The following PRH1 variants were observed in gnomAD, a reference collection of about 807,000 sequenced individuals.
PRH1 encodes the protein salivary acidic proline-rich phosphoprotein 1/2.
In PRH1, 7 loss-of-function variants were observed where a neutral mutation model predicts 7.9. That is an observed-to-expected ratio of 0.89 (90% CI 0.50 to 1.67). PRH1 has a LOEUF of 1.67. Ranked by LOEUF, PRH1 falls within the 40% of genes most tolerant of loss-of-function variation. PRH1 has a pLI of 0.00. For missense variants in PRH1, 109 were observed against 223.6 expected (o/e 0.49, Z 3.27); for synonymous variants, 45 against 80.8 (o/e 0.56, Z 2.38).
rs559467239 is a variant in PRH1, at chr12:11,114,003, C to T, written n.123+57419G>A. Among the ~76,000 whole-genome samples the T allele has an allele frequency of 1.1e-3, 163 of 152,106 alleles. 1 individual carries two copies. The highest frequency in any genetic ancestry group is 3.8e-3 in the African/African-American group (159 of 41,514). On this transcript the variant is annotated intron_variant and non_coding_transcript_variant, in intron 1 of 4. Transcript: ENST00000541977. The stretch of plus-strand genomic sequence containing the variant: ...TGGTGATCATTAAAAAGTCAGGAAA[C>T]AACAGATGCTGGAGAGTAGGTGGAG...
In PRH1 at chr12:10,986,005, G is replaced by C. The variant is rs370832202; in HGVS notation, c.-125-12284C>G. On this transcript the variant is annotated intron_variant, in intron 1 of 3. Coordinates refer to the PRH1 transcript ENST00000539853. ...AAAATCAAAAGAAAGGTGTGTTTTA[G>C]CTTCTTGGTTCTCCAAATTAGGATG... 3.1e-6 allele frequency: 5 copies of C among 1,613,646 alleles called. No homozygotes were observed. In the African/African-American group the frequency reaches 5.3e-5, roughly 17 times the overall value.
intron 1 of PRH1, among the ~76,000 whole-genome samples, chr12:10,991,467 A>G (rs1181408362): frequency 6.6e-6 from 1 of 152,184 alleles, no homozygotes; most frequent in African/African-American, 2.4e-5. Flanking sequence ...TTTAGCAGAA[A>G]TTCAAGTAAA....
chr12:10,933,949 G>A (rs1950249015), intron 2 of PRH1, among the ~76,000 whole-genome samples: 1 of 151,946 alleles, frequency 6.6e-6, no homozygotes, highest in African/African-American at 2.4e-5. Flanking sequence ...AAAATAACAA[G>A]AGATTCTACT....
intron 1 of PRH1, among the ~76,000 whole-genome samples, chr12:11,073,657 T>G (rs1234423599): frequency 6.6e-6 from 1 of 151,914 alleles, no homozygotes; most frequent in Non-Finnish European, 1.5e-5. Flanking sequence ...ATGCAAAGAC[T>G]AGTGGTTTCA....
chr12:11,061,134 A>C (rs1179677688), intron 1 of PRH1, among the ~76,000 whole-genome samples: 1 of 152,180 alleles, frequency 6.6e-6, no homozygotes, highest in Non-Finnish European at 1.5e-5. Context: ...AAAACAAAAA[A>C]GAGTATGTCA....
intron 1 of PRH1, among the ~76,000 whole-genome samples, chr12:11,098,232 GAC>G (rs972427971): frequency 3.3e-5 from 5 of 149,254 alleles, no homozygotes; most frequent in African/African-American, 1.2e-4. Context: ...TGAATATCCT[GAC>G]CTTAAATTCT....
At chr12:11,131,611 C>A (rs1047197978) in intron 1 of PRH1, among the ~76,000 whole-genome samples, 3 of 145,802 alleles carry the variant, frequency 2.1e-5, no homozygotes, top group Non-Finnish European at 4.6e-5. Flanking sequence ...CTTTTATATG[C>A]TTTTTTAAAA....
At chr12:10,885,473 T>C (rs16925194), upstream of PRH1, among the ~76,000 whole-genome samples, 15,393 of 152,254 alleles carry the variant, frequency 0.1, 974 homozygotes, top group Non-Finnish European at 0.14. Flanking sequence ...CTACCTTTAC[T>C]TTCATTTTTG....
chr12:11,022,252 A>T, intron 1 of PRH1: 2 of 1,613,236 alleles, frequency 1.2e-6, no homozygotes, highest in Non-Finnish European at 1.7e-6. Context: ...AATCTTGAGC[A>T]AACAAAATAT....
intron 1 of PRH1, among the ~76,000 whole-genome samples, chr12:11,013,434 T>C (rs1239901986): frequency 1.3e-5 from 2 of 152,078 alleles, no homozygotes; most frequent in Non-Finnish European, 2.9e-5. Flanking sequence ...TTTCACACCA[T>C]ACACAAAAAA....
chr12:10,918,517 A>G (rs1392789595), intron 2 of PRH1, among the ~76,000 whole-genome samples: 1 of 152,212 alleles, frequency 6.6e-6, no homozygotes, highest in East Asian at 1.9e-4. Flanking sequence ...AATTATTTGT[A>G]AGATGAAGTC....
At chr12:10,962,294 AT>A (rs1451579234) in intron 2 of PRH1, among the ~76,000 whole-genome samples, 1 of 152,178 alleles carries the variant, frequency 6.6e-6, no homozygotes, top group Non-Finnish European at 1.5e-5. Context: ...ATTGAAATGC[AT>A]TTTTTACATA....
intron 1 of PRH1, among the ~76,000 whole-genome samples, chr12:10,975,750 GAA>G (rs71051551): frequency 1.2e-4 from 17 of 145,272 alleles, no homozygotes; most frequent in South Asian, 2.1e-4. Flanking sequence ...ATAAAAAATA[GAA>G]AAAAAAAAAC....
At chr12:11,059,564 C>T (rs1408845281) in intron 1 of PRH1, among the ~76,000 whole-genome samples, 1 of 148,224 alleles carries the variant, frequency 6.7e-6, no homozygotes, top group Non-Finnish European at 1.5e-5. Context: ...AATACATATT[C>T]AAATAGACCA....
chr12:10,914,180 G>T (rs1949940729), intron 2 of PRH1, among the ~76,000 whole-genome samples: 2 of 152,054 alleles, frequency 1.3e-5, no homozygotes, highest in South Asian at 4.1e-4. Context: ...TCACATATTT[G>T]AAAGTTTTGT....
chr12:10,986,054 GTT>G (rs1939603181), intron 1 of PRH1: 1 of 1,613,920 alleles, frequency 6.2e-7, no homozygotes, highest in African/African-American at 1.3e-5. Context: ...CAAGATATAT[GTT>G]TCCAACAGCC....
intron 3 of PRH1, 83 bp downstream of exon 3, chr12:10,882,134 G>A: frequency 1.3e-6 from 2 of 1,582,940 alleles, no homozygotes; most frequent in South Asian, 1.2e-5. Flanking sequence ...ATATTAACAG[G>A]TTTTCAGAGG....
intron 2 of PRH1, among the ~76,000 whole-genome samples, chr12:10,903,954 A>C (rs1241238361): frequency 6.9e-6 from 1 of 145,734 alleles, no homozygotes; most frequent in South Asian, 2.1e-4. Context: ...AAAAAAAAAA[A>C]CAACTAGGAC....
chr12:11,071,392 A>G (rs78696479), intron 1 of PRH1, among the ~76,000 whole-genome samples: 3 of 151,708 alleles, frequency 2.0e-5, no homozygotes, highest in Non-Finnish European at 4.4e-5. Context: ...TAAAATAAAA[A>G]AAAGACCTTC....
Sources: allele counts gnomAD v4.1 joint callset (sites outside exome capture counted in the v4.1 genomes callset), GRCh38; gene constraint gnomAD v4.1.1; transcripts MANE v1.5; gene names NCBI Gene and HGNC (gene_info 2026-07-23, HGNC 2026-07-21).